The following EPB41L4A variants were observed in gnomAD, a reference collection of about 807,000 sequenced individuals.
The protein encoded by EPB41L4A is band 4.1-like protein 4A.
Under a neutral mutation model 108.6 loss-of-function variants are expected in EPB41L4A, and 100 were observed. The ratio of observed to expected loss-of-function variants is 0.92; its 90% CI spans 0.78 to 1.09. EPB41L4A has a LOEUF of 1.09. Ranked by LOEUF, EPB41L4A falls within the 50% of genes least tolerant of loss-of-function variation. The pLI, the probability that EPB41L4A is intolerant of heterozygous loss-of-function variation, is 0.00. For synonymous variants in EPB41L4A, 319 were observed against 289.0 expected (o/e 1.10, Z -1.05); for missense variants, 1,030 against 842.7 (o/e 1.22, Z -2.75).
intron 1 of EPB41L4A, among the ~76,000 whole-genome samples, chr5:112,361,114 T>C (rs959710495): frequency 2.6e-5 from 4 of 152,262 alleles, no homozygotes; most frequent in Admixed American, 1.3e-4. Context: ...AGAGATCGGA[T>C]TGTTACTGTG....
At chr5:112,273,641 T>C (rs1752420427) in intron 4 of EPB41L4A, among the ~76,000 whole-genome samples, 2 of 152,174 alleles carry the variant, frequency 1.3e-5, no homozygotes, top group South Asian at 4.1e-4. Context: ...TACAAAAACC[T>C]TGAAACAGGT....
chr5:112,412,044 T>C (rs934632173), intron 1 of EPB41L4A, among the ~76,000 whole-genome samples: 1 of 152,172 alleles, frequency 6.6e-6, no homozygotes, highest in Non-Finnish European at 1.5e-5. Context: ...TCCACATTAC[T>C]AAATGCGCTT....
At chr5:112,380,783 TCACACACATACACACA>T (rs765863261) in intron 1 of EPB41L4A, among the ~76,000 whole-genome samples, 1,750 of 120,168 alleles carry the variant, frequency 0.015, 25 homozygotes, top group South Asian at 0.044. Flanking sequence ...CCTCTGCACA[TCACACACATACACACA>T]CACACACACA....
intron 6 of EPB41L4A, chr5:112,264,076 GTGCT>G (rs1751677033): frequency 6.6e-6 from 1 of 151,912 alleles, no homozygotes; most frequent in Non-Finnish European, 1.5e-5. Context: ...GCCTCCCAAA[GTGCT>G]GGGATTGCAG....
At chr5:112,297,368 G>C (rs898959178) in intron 2 of EPB41L4A, among the ~76,000 whole-genome samples, 1 of 152,062 alleles carries the variant, frequency 6.6e-6, no homozygotes, top group African/African-American at 2.4e-5. Flanking sequence ...TTGTGGTTTT[G>C]ATGTGCATTT....
rs557140196 is a variant in EPB41L4A at position 112,356,635 on chromosome 5, G to A, written c.100-49145C>T. Among the ~76,000 whole-genome samples, 7 of 152,266 alleles carry A rather than the reference G, an allele frequency of 4.6e-5. No homozygotes were observed. In the South Asian group the frequency reaches 1.2e-3, roughly 27 times the overall value. ...CAGAGCTGTAACAACTCTCCCCTCT[G>A]CCATAATCTAGTCTCCAGAGACCTT... On this transcript the variant is annotated intron_variant, in intron 1 of 22. Coordinates refer to ENST00000261486, the MANE Select transcript of EPB41L4A (RefSeq NM_022140.5).
intron 12 of EPB41L4A, among the ~76,000 whole-genome samples, chr5:112,149,387 G>A (rs57541807): frequency 0.12 from 17,701 of 152,170 alleles, 1,126 homozygotes; most frequent in South Asian, 0.15. Context: ...CAGGAGAATC[G>A]CGTGAACCTG....
intron 1 of EPB41L4A, among the ~76,000 whole-genome samples, chr5:112,396,594 G>C (rs1761368202): frequency 6.6e-6 from 1 of 152,202 alleles, no homozygotes; most frequent in African/African-American, 2.4e-5. Flanking sequence ...GTATCAGCCA[G>C]GGCTGCAGTC....
At chr5:112,299,290 A>C (rs1352550773) in intron 2 of EPB41L4A, among the ~76,000 whole-genome samples, 2 of 152,164 alleles carry the variant, frequency 1.3e-5, no homozygotes, top group Non-Finnish European at 2.9e-5. Context: ...TAAGGCTATG[A>C]ACTTTCCTCT....
intron 9 of EPB41L4A, among the ~76,000 whole-genome samples, chr5:112,242,819 G>GTACAAC (rs1371775784): frequency 6.6e-6 from 1 of 152,194 alleles, no homozygotes; most frequent in African/African-American, 2.4e-5. Flanking sequence ...ACATCTCCAT[G>GTACAAC]ATAGCTCTAG....
chr5:112,395,403 AAAAC>A (rs1450706861), intron 1 of EPB41L4A, among the ~76,000 whole-genome samples: 32 of 152,362 alleles, frequency 2.1e-4, no homozygotes, highest in Admixed American at 7.8e-4. Flanking sequence ...TTTAGAAGAA[AAAAC>A]AAACAACCCC....
At chr5:112,212,288 G>GTTTTTTTTT (rs747980822) in intron 12 of EPB41L4A, among the ~76,000 whole-genome samples, 1 of 139,824 alleles carries the variant, frequency 7.2e-6, no homozygotes. Context: ...ACCATTAGTT[G>GTTTTTTTTT]TTTTTGTTTT....
intron 22 of EPB41L4A, among the ~76,000 whole-genome samples, chr5:112,166,776 T>C (rs1760273592): frequency 6.6e-6 from 1 of 152,238 alleles, no homozygotes; most frequent in African/African-American, 2.4e-5. Context: ...GTTACTGTTA[T>C]TTTGTTTTGC....
At chr5:112,214,956 A>C (rs1186701992) in intron 12 of EPB41L4A, among the ~76,000 whole-genome samples, 1 of 152,196 alleles carries the variant, frequency 6.6e-6, no homozygotes, top group Admixed American at 6.5e-5. Flanking sequence ...AATTATTTTT[A>C]AATTAAAAAC....
chr5:112,351,980 C>G (rs1204158338), intron 1 of EPB41L4A, among the ~76,000 whole-genome samples: 11 of 152,110 alleles, frequency 7.2e-5, no homozygotes, highest in Non-Finnish European at 1.6e-4. Flanking sequence ...ACAAACTAGG[C>G]ATAGAAGAAA....
intron 12 of EPB41L4A, among the ~76,000 whole-genome samples, chr5:112,220,428 G>C (rs1747967147): frequency 6.6e-6 from 1 of 152,192 alleles, no homozygotes; most frequent in African/African-American, 2.4e-5. Flanking sequence ...GGACAAAGCA[G>C]TCTAACAGAT....
At chr5:112,220,499 G>A (rs1291179182) in intron 12 of EPB41L4A, among the ~76,000 whole-genome samples, 1 of 152,140 alleles carries the variant, frequency 6.6e-6, no homozygotes, top group Non-Finnish European at 1.5e-5. Flanking sequence ...TTGCAAAAGG[G>A]CAGGCTGGAC....
intron 1 of EPB41L4A, among the ~76,000 whole-genome samples, chr5:112,331,867 G>A (rs1257642883): frequency 1.3e-5 from 2 of 152,226 alleles, no homozygotes; most frequent in African/African-American, 4.8e-5. Flanking sequence ...CTGCTTCTGA[G>A]GGCGTATTAG....
At chr5:112,414,801 A>G (rs1234360344) in intron 1 of EPB41L4A, among the ~76,000 whole-genome samples, 1 of 152,192 alleles carries the variant, frequency 6.6e-6, no homozygotes, top group African/African-American at 2.4e-5. Context: ...ATTTATACAC[A>G]GTTCATCTTA....
Sources: allele counts gnomAD v4.1 joint callset (sites outside exome capture counted in the v4.1 genomes callset), GRCh38; gene constraint gnomAD v4.1.1; transcripts MANE v1.5; gene names NCBI Gene and HGNC (gene_info 2026-07-23, HGNC 2026-07-21).